The following WDFY4 variants were observed in gnomAD, a reference collection of about 807,000 sequenced individuals.
WDFY4 encodes WDFY family member 4.
WDFY4 carries 169 observed loss-of-function variants against 351.9 expected under a neutral mutation model. The ratio of observed to expected loss-of-function variants is 0.48; its 90% CI spans 0.42 to 0.55. The LOEUF (loss-of-function observed/expected upper bound fraction) is 0.55, where lower values mean the gene tolerates loss of function less well. Among genes scored for constraint, WDFY4 ranks in the 20% least tolerant of loss-of-function variants. The probability of loss-of-function intolerance (pLI) is 0.00; values close to 1 mark genes in which losing one functional copy is unlikely to be tolerated. For synonymous variants in WDFY4, 1,622 were observed against 1,574.6 expected, an observed-to-expected ratio of 1.03 and a Z score of -0.71; for missense variants, 3,803 against 3,935.6, an observed-to-expected ratio of 0.97 and a Z score of 0.90.
chr10:48,751,968 C>G lies in WDFY4; in HGVS notation c.2460-8379C>G, dbSNP rs75209146. Among the ~76,000 whole-genome samples the G allele has an allele frequency of 4.2e-3, 640 of 152,302 alleles. 9 individuals are homozygous for G. The highest frequency in any genetic ancestry group is 0.014 in the African/African-American group (597 of 41,564). On this transcript the variant is annotated intron_variant, in intron 12 of 61. Coordinates refer to ENST00000325239, the MANE Select transcript of WDFY4 (RefSeq NM_001394531.1). ...ATGCAAAATTTGGCCAAGCACGCCT[C>G]ACACCACCACTGGCTCCCAAAGATA...
chr10:48,784,486 A>T lies in WDFY4; in HGVS notation c.3577-2153A>T, dbSNP rs184284057. On this transcript the variant is annotated intron_variant, in intron 19 of 61. Transcript: ENST00000325239. The stretch of plus-strand genomic sequence containing the variant: ...TGCCATCTGTATATTCTCCTCAGTG[A>T]TGTCCATCCATATTTTTTGCCCATT... 4.8e-5 allele frequency among the ~76,000 whole-genome samples: 6 copies of T among 123,746 alleles called. No homozygotes were observed. The East Asian group carries it at 1.6e-3, about 33-fold the overall frequency. The allele number at this position is 123,746 out of a possible 152,430, so 81.2% of individuals were successfully genotyped here.
intron 25 of WDFY4, chr10:48,804,588 T>A (rs1450728828): frequency 3.8e-6 from 1 of 262,222 alleles, no homozygotes; most frequent in Non-Finnish European, 5.8e-6. Context: ...AAAAAGACAG[T>A]TCAAAGTGAG....
At chr10:48,939,053 G>T (rs575420819) in intron 47 of WDFY4, among the ~76,000 whole-genome samples, 3 of 152,266 alleles carry the variant, frequency 2.0e-5, no homozygotes, top group Admixed American at 1.3e-4. Flanking sequence ...CTCAATGCAG[G>T]CACCCAGCAA....
At chr10:48,808,327 A>G (rs954538674) in intron 28 of WDFY4, among the ~76,000 whole-genome samples, 1 of 152,226 alleles carries the variant, frequency 6.6e-6, no homozygotes, top group Non-Finnish European at 1.5e-5. Flanking sequence ...AATAACATCT[A>G]TCAAGGAAAA....
intron 45 of WDFY4, 58 bp from the exon 46 acceptor site, chr10:48,900,163 C>T: frequency 6.8e-7 from 1 of 1,475,076 alleles, no homozygotes. Context: ...CTGTGTCACC[C>T]TGGGGCGTCT....
chr10:48,915,674 C>A (rs1468631107), intron 47 of WDFY4, among the ~76,000 whole-genome samples: 1 of 152,178 alleles, frequency 6.6e-6, no homozygotes, highest in African/African-American at 2.4e-5. Context: ...CTGTCTCACA[C>A]CTACTGAAAA....
chr10:48,864,903 G>A (rs1228510766), intron 39 of WDFY4, among the ~76,000 whole-genome samples: 1 of 152,154 alleles, frequency 6.6e-6, no homozygotes, highest in African/African-American at 2.4e-5. Context: ...TGATTTACGT[G>A]TTTTGATCTT....
At chr10:48,810,789 A>G in intron 29 of WDFY4, 54 bp downstream of exon 29, 1 of 1,446,828 alleles carries the variant, frequency 6.9e-7, no homozygotes, top group South Asian at 1.5e-5. Flanking sequence ...CTGGGATGTG[A>G]ATGAGGACCA....
intron 10 of WDFY4, among the ~76,000 whole-genome samples, chr10:48,734,835 G>A (rs892495061): frequency 6.6e-5 from 10 of 151,298 alleles, no homozygotes; most frequent in Non-Finnish European, 1.2e-4. Context: ...GAGTGCAGTG[G>A]CATGATCTTG....
At chr10:48,803,821 A>T (rs1183439502) in intron 25 of WDFY4, among the ~76,000 whole-genome samples, 1 of 152,204 alleles carries the variant, frequency 6.6e-6, no homozygotes, top group Non-Finnish European at 1.5e-5. Flanking sequence ...CTTACAATTG[A>T]AAAGAGCTGA....
chr10:48,939,284 T>G (rs1365690919), intron 47 of WDFY4, among the ~76,000 whole-genome samples: 1 of 152,220 alleles, frequency 6.6e-6, no homozygotes, highest in Non-Finnish European at 1.5e-5. Flanking sequence ...GGACCACGCC[T>G]GTTGAGTAGC....
intron 59 of WDFY4, among the ~76,000 whole-genome samples, chr10:48,977,670 GC>G (rs1261766724): frequency 1.3e-5 from 2 of 152,110 alleles, no homozygotes; most frequent in African/African-American, 4.8e-5. Context: ...ACTCTCCTGG[GC>G]CCCCCCAAAG....
At chr10:48,750,980 T>C (rs1004169135) in intron 12 of WDFY4, among the ~76,000 whole-genome samples, 1 of 152,028 alleles carries the variant, frequency 6.6e-6, no homozygotes. Context: ...GCAGGGAGGG[T>C]TGGCAAGGCA....
chr10:48,927,430 C>G (rs1311574309), intron 47 of WDFY4, among the ~76,000 whole-genome samples: 3 of 152,190 alleles, frequency 2.0e-5, no homozygotes, highest in Admixed American at 6.5e-5. Flanking sequence ...CTGCCTTATT[C>G]CAGCACTTCT....
chr10:48,926,439 G>A (rs10857660), intron 47 of WDFY4, among the ~76,000 whole-genome samples: 40,040 of 152,104 alleles, frequency 0.26, 6,139 homozygotes, highest in East Asian at 0.6. Context: ...AGGATGGTGT[G>A]CACTCTGGCT....
chr10:48,898,055 G>A (rs1370523877), intron 45 of WDFY4, among the ~76,000 whole-genome samples: 1 of 152,048 alleles, frequency 6.6e-6, no homozygotes, highest in Non-Finnish European at 1.5e-5. Context: ...CCTGTTTCTG[G>A]GGCCAAGTGG....
chr10:48,781,230 GTGTGTGTGTGTGTGTATATATATA>G (rs1273660558), intron 19 of WDFY4, among the ~76,000 whole-genome samples: 1 of 143,316 alleles, frequency 7.0e-6, no homozygotes, highest in African/African-American at 2.9e-5. Context: ...ATATATATAT[GTGTGTGTGTGTGTGTATATATATA>G]TGTGTGTGTG....
At chr10:48,791,096 A>C (rs1194561911) in intron 23 of WDFY4, among the ~76,000 whole-genome samples, 179 bp downstream of exon 23, 5 of 152,258 alleles carry the variant, frequency 3.3e-5, no homozygotes, top group Admixed American at 6.5e-5. Context: ...GGCAGGCGAC[A>C]GCCAGCCCAA....
At chr10:48,905,781 G>C (rs966831774) in intron 47 of WDFY4, among the ~76,000 whole-genome samples, 3 of 152,234 alleles carry the variant, frequency 2.0e-5, no homozygotes, top group Non-Finnish European at 2.9e-5. Context: ...AAACAGCCCC[G>C]GGCTTCAGGA....
Sources: gnomAD v4.1 joint callset for allele counts (sites outside exome capture counted in the v4.1 genomes callset) on GRCh38, gnomAD v4.1.1 for gene constraint, MANE v1.5 for transcripts, NCBI Gene and HGNC (gene_info 2026-07-23, HGNC 2026-07-21) for gene names.